BCL2: variants seen among roughly 807,000 people sequenced by gnomAD.
BCL2 encodes the protein apoptosis regulator Bcl-2.
A neutral mutation model predicts 14.2 loss-of-function variants in BCL2; 1 was observed. The ratio of observed to expected loss-of-function variants is 0.07; its 90% CI spans 0.02 to 0.33. BCL2 has a LOEUF of 0.33. Ranked by LOEUF, BCL2 falls within the 10% of genes least tolerant of loss-of-function variation. The pLI is 0.99. For synonymous variants in BCL2, 151 were observed against 137.2 expected (o/e 1.10, Z -0.70); for missense variants, 247 against 305.9 (o/e 0.81, Z 1.44).
intron 2 of BCL2, among the ~76,000 whole-genome samples, chr18:63,184,496 T>C (rs1341798286): frequency 6.6e-6 from 1 of 152,222 alleles, no homozygotes; most frequent in Non-Finnish European, 1.5e-5. Flanking sequence ...TCTTCAAGCA[T>C]GCCAGGAGGA....
chr18:63,237,866 A>G (rs1197789627), intron 2 of BCL2, among the ~76,000 whole-genome samples: 1 of 152,234 alleles, frequency 6.6e-6, no homozygotes, highest in Non-Finnish European at 1.5e-5. Flanking sequence ...TTGATTTTAA[A>G]TAGTTTTTTT....
intron 2 of BCL2, among the ~76,000 whole-genome samples, chr18:63,158,041 A>G (rs957098833): frequency 6.6e-6 from 1 of 152,102 alleles, no homozygotes; most frequent in Non-Finnish European, 1.5e-5. Context: ...AAGACATTTC[A>G]TAAGAAAAGC....
At chr18:63,192,276 C>T (rs731014) in intron 2 of BCL2, among the ~76,000 whole-genome samples, 91,224 of 151,410 alleles carry the variant, frequency 0.6, 28,852 homozygotes, top group Non-Finnish European at 0.72. Flanking sequence ...AGGCAGAAGT[C>T]ACAAGTAGTG....
chr18:63,223,635 C>A (rs1910465641), intron 2 of BCL2, among the ~76,000 whole-genome samples: 3 of 152,202 alleles, frequency 2.0e-5, no homozygotes, highest in Admixed American at 6.5e-5. Flanking sequence ...TCTCAGCTCC[C>A]AGCCTGGGAC....
intron 2 of BCL2, among the ~76,000 whole-genome samples, chr18:63,230,543 A>AT (rs1346915099): frequency 6.6e-6 from 1 of 152,152 alleles, no homozygotes; most frequent in East Asian, 1.9e-4. Flanking sequence ...ATAGAGGCTG[A>AT]TTCTTTAAAA....
At chr18:63,226,539 A>T (rs951969508) in intron 2 of BCL2, among the ~76,000 whole-genome samples, 2 of 152,242 alleles carry the variant, frequency 1.3e-5, no homozygotes, top group Non-Finnish European at 2.9e-5. Flanking sequence ...AGCTATTTTT[A>T]AAAATGAATT....
At chr18:63,284,856 G>A (rs1912423311) in intron 2 of BCL2, among the ~76,000 whole-genome samples, 1 of 152,156 alleles carries the variant, frequency 6.6e-6, no homozygotes, top group Admixed American at 6.5e-5. Context: ...GCTGGGCCCA[G>A]GTCAGGCCTA....
chr18:63,295,835 A>G (rs75974266), intron 2 of BCL2, among the ~76,000 whole-genome samples: 3,292 of 152,158 alleles, frequency 0.022, 60 homozygotes, highest in Non-Finnish European at 0.033. Context: ...TTGTCCTTCC[A>G]TCCCTCAAGG....
chr18:63,168,701 G>A (rs971765246), intron 2 of BCL2, among the ~76,000 whole-genome samples: 1 of 152,194 alleles, frequency 6.6e-6, no homozygotes, highest in African/African-American at 2.4e-5. Context: ...GGACTGCTCC[G>A]TTTATTGGTA....
intron 2 of BCL2, among the ~76,000 whole-genome samples, chr18:63,285,621 CA>C (rs1912449700): frequency 1.3e-5 from 2 of 152,178 alleles, no homozygotes; most frequent in Non-Finnish European, 2.9e-5. Flanking sequence ...ATGGACTGAA[CA>C]TATGTCAGCC....
rs865992564 is a variant in BCL2 at position 63,319,473 on chromosome 18, G to A, written c.-586C>T. 1.3e-5 allele frequency: 3 copies of A among 228,448 alleles called. No homozygotes were observed. The highest frequency in any genetic ancestry group is 1.3e-3 in the Middle Eastern group (1 of 782). 14.2% of individuals were successfully genotyped at this position (228,448 alleles called of 1,614,324 possible). Reference sequence around the variant, plus strand: ...GCAGATGAATTACAATTTTCAGTCCGGTATTCGCAGAAGTCCTGTGATGTT... The same window carrying A: ...GCAGATGAATTACAATTTTCAGTCCAGTATTCGCAGAAGTCCTGTGATGTT... On this transcript the variant is annotated 5_prime_UTR_variant, in exon 1 of 3. Transcript: ENST00000333681.
chr18:63,203,303 T>A (rs2144666202), intron 2 of BCL2, among the ~76,000 whole-genome samples: 1 of 152,284 alleles, frequency 6.6e-6, no homozygotes, highest in East Asian at 1.9e-4. Context: ...CCGTCAAGAT[T>A]TACTAGAGGC....
chr18:63,259,917 A>G (rs927126558), intron 2 of BCL2, among the ~76,000 whole-genome samples: 4 of 152,208 alleles, frequency 2.6e-5, no homozygotes, highest in African/African-American at 9.6e-5. Context: ...ACTACATTCA[A>G]TTGCACACAT....
At chr18:63,253,227 A>G (rs1265770735) in intron 2 of BCL2, among the ~76,000 whole-genome samples, 2 of 152,192 alleles carry the variant, frequency 1.3e-5, no homozygotes, top group Non-Finnish European at 2.9e-5. Flanking sequence ...GAGCAGAAGG[A>G]GCCCCAGAAA....
intron 2 of BCL2, among the ~76,000 whole-genome samples, chr18:63,164,674 T>C (rs904032824): frequency 2.0e-5 from 3 of 152,226 alleles, no homozygotes; most frequent in African/African-American, 7.2e-5. Context: ...CTTTATTGAA[T>C]CCAGGCTTTA....
chr18:63,123,622 C>A lies in BCL2; in HGVS notation c.*5003G>T. On this transcript the variant is annotated 3_prime_UTR_variant, in exon 3 of 3. Transcript: ENST00000333681. ...TGAAAATCTTGATAACAAAAGCTTT[C>A]AATACAAAAACACTTATTGTACACT... 4.8e-6 allele frequency: 1 copy of A among 209,898 alleles called. No homozygotes were observed. The highest frequency in any genetic ancestry group is 9.7e-6 in the Non-Finnish European group (1 of 103,416). 13.0% of individuals were successfully genotyped at this position (209,898 alleles called of 1,614,324 possible). A position where few individuals can be genotyped will look rare whatever the true frequency, so the allele number is the denominator to read the frequency against.
At chr18:63,256,924 T>C (rs1230894049) in intron 2 of BCL2, among the ~76,000 whole-genome samples, 2 of 152,124 alleles carry the variant, frequency 1.3e-5, no homozygotes, top group Non-Finnish European at 2.9e-5. Context: ...ATTCAGAATG[T>C]TTTCACCAGT....
intron 2 of BCL2, among the ~76,000 whole-genome samples, chr18:63,224,505 T>C (rs566392109): frequency 6.6e-6 from 1 of 152,338 alleles, no homozygotes; most frequent in East Asian, 1.9e-4. Flanking sequence ...AGCAATATCT[T>C]CAAACTTCTG....
At chr18:63,241,143 A>C (rs1023751301) in intron 2 of BCL2, among the ~76,000 whole-genome samples, 6 of 152,268 alleles carry the variant, frequency 3.9e-5, no homozygotes, top group Non-Finnish European at 5.9e-5. Context: ...CGTGGTGAGC[A>C]AGATTTGGCC....
Sources: gnomAD v4.1 joint callset for allele counts (sites outside exome capture counted in the v4.1 genomes callset) on GRCh38, gnomAD v4.1.1 for gene constraint, MANE v1.5 for transcripts, NCBI Gene and HGNC (gene_info 2026-07-23, HGNC 2026-07-21) for gene names.